Variants in PCDH9 observed in about 807,000 individuals in gnomAD.
PCDH9 encodes protocadherin-9.
In PCDH9, 24 loss-of-function variants were observed where a neutral mutation model predicts 70.6. That is an observed-to-expected ratio of 0.34 (90% CI 0.25 to 0.48). The LOEUF (loss-of-function observed/expected upper bound fraction) is 0.48, where lower values mean the gene tolerates loss of function less well. Ranked by LOEUF, PCDH9 falls within the 20% of genes least tolerant of loss-of-function variation. The pLI is 0.99. For synonymous variants in PCDH9, 562 were observed against 558.5 expected (o/e 1.01, Z -0.09); for missense variants, 1,281 against 1,503.6 (o/e 0.85, Z 2.45).
intron 2 of PCDH9, chr13:67,208,536 A>AT (rs2089403395): frequency 1.3e-5 from 2 of 152,266 alleles, no homozygotes; most frequent in Middle Eastern, 3.4e-3. Context: ...GATTCTCACA[A>AT]TTTTTGATTA....
intron 2 of PCDH9, among the ~76,000 whole-genome samples, chr13:67,082,575 ATAATTTAAGTCC>A (rs1403814103): frequency 6.6e-6 from 1 of 152,208 alleles, no homozygotes; most frequent in African/African-American, 2.4e-5. Context: ...CTGATAAGAC[ATAATTTAAGTCC>A]TATACACTCA....
At chr13:66,748,434 T>C (rs140287654) in intron 3 of PCDH9, among the ~76,000 whole-genome samples, 1 of 152,340 alleles carries the variant, frequency 6.6e-6, no homozygotes, top group East Asian at 1.9e-4. Context: ...TTTCCTACTC[T>C]GAAACACTCA....
At chr13:67,030,763 AT>A (rs1446958349) in intron 2 of PCDH9, among the ~76,000 whole-genome samples, 3 of 152,168 alleles carry the variant, frequency 2.0e-5, no homozygotes, top group Non-Finnish European at 4.4e-5. Flanking sequence ...ACCTTCTTCC[AT>A]TTGTTGAATA....
rs200944670 is a variant in PCDH9 at position 66,625,661 on chromosome 13, A to T, written c.3340+5549T>A. On this transcript the variant is annotated intron_variant, in intron 4 of 4. Transcript: ENST00000377865. ...CCACTTTTGGCCAACATATAGTGGA[A>T]TTTTTTTTTTTTTTTTTGATACACA... 4.8e-3 allele frequency among the ~76,000 whole-genome samples: 592 copies of T among 122,998 alleles called. 19 individuals are homozygous for T. In the East Asian group the frequency reaches 0.091, roughly 19 times the overall value. 80.7% of individuals were successfully genotyped at this position (122,998 alleles called of 152,430 possible). A position where few individuals can be genotyped will look rare whatever the true frequency, so the allele number is the denominator to read the frequency against.
At chr13:67,188,467 A>G (rs1358689022) in intron 2 of PCDH9, among the ~76,000 whole-genome samples, 1 of 152,098 alleles carries the variant, frequency 6.6e-6, no homozygotes, top group East Asian at 1.9e-4. Flanking sequence ...CATGGGAGGT[A>G]TAATTCCTCA....
At chr13:66,415,630 T>C (rs1467128027) in intron 4 of PCDH9, among the ~76,000 whole-genome samples, 1 of 152,220 alleles carries the variant, frequency 6.6e-6, no homozygotes, top group East Asian at 1.9e-4. Context: ...GAAACTGCTT[T>C]CTACTTCTTT....
At chr13:66,456,384 C>G (rs1433361670) in intron 4 of PCDH9, among the ~76,000 whole-genome samples, 1 of 152,064 alleles carries the variant, frequency 6.6e-6, no homozygotes, top group South Asian at 2.1e-4. Context: ...GCCTCAATCT[C>G]CTGAGCGGCT....
At chr13:66,499,742 G>A (rs1959167025) in intron 4 of PCDH9, among the ~76,000 whole-genome samples, 1 of 152,202 alleles carries the variant, frequency 6.6e-6, no homozygotes, top group Non-Finnish European at 1.5e-5. Context: ...TCATGTTAAT[G>A]TAATCCCCAG....
chr13:67,076,600 C>G (rs2085883116), intron 2 of PCDH9, among the ~76,000 whole-genome samples: 1 of 152,080 alleles, frequency 6.6e-6, no homozygotes. Flanking sequence ...TCCACTGAAG[C>G]ATTACTTAAA....
chr13:66,517,394 A>C (rs767807630), intron 4 of PCDH9, among the ~76,000 whole-genome samples: 16 of 152,092 alleles, frequency 1.1e-4, no homozygotes, highest in Non-Finnish European at 2.1e-4. Context: ...TGGGTTGCAT[A>C]ATTGTGAGAC....
intron 4 of PCDH9, among the ~76,000 whole-genome samples, chr13:66,358,287 G>C (rs527382043): frequency 1.3e-5 from 2 of 151,836 alleles, no homozygotes; most frequent in South Asian, 4.2e-4. Flanking sequence ...TAGTACCTTT[G>C]GTAGGATTAT....
chr13:66,585,041 G>A (rs1282942838), intron 4 of PCDH9, among the ~76,000 whole-genome samples: 1 of 152,030 alleles, frequency 6.6e-6, no homozygotes, highest in Non-Finnish European at 1.5e-5. Flanking sequence ...GTAGGGGGTA[G>A]GATAGAATTA....
chr13:66,953,948 G>C (rs1391230565), intron 2 of PCDH9, among the ~76,000 whole-genome samples: 2 of 152,246 alleles, frequency 1.3e-5, no homozygotes, highest in African/African-American at 4.8e-5. Flanking sequence ...GTATATAGTA[G>C]TTTTGCAGTT....
intron 2 of PCDH9, among the ~76,000 whole-genome samples, chr13:67,050,440 A>G (rs1420325267): frequency 6.6e-6 from 1 of 152,156 alleles, no homozygotes; most frequent in African/African-American, 2.4e-5. Context: ...ATTTAATGTG[A>G]TCTCCACCAG....
intron 4 of PCDH9, among the ~76,000 whole-genome samples, chr13:66,546,751 G>T (rs934519979): frequency 2.0e-4 from 31 of 152,136 alleles, no homozygotes; most frequent in African/African-American, 6.5e-4. Flanking sequence ...AGTCCTGCAA[G>T]CTTCATTTGT....
intron 3 of PCDH9, among the ~76,000 whole-genome samples, chr13:66,705,391 A>C (rs1388642274): frequency 6.6e-6 from 1 of 152,170 alleles, no homozygotes; most frequent in Non-Finnish European, 1.5e-5. Flanking sequence ...TTCCACGCTT[A>C]ACTATATGTT....
intron 4 of PCDH9, among the ~76,000 whole-genome samples, chr13:66,376,425 T>C (rs1956747758): frequency 6.6e-6 from 1 of 152,298 alleles, no homozygotes; most frequent in African/African-American, 2.4e-5. Flanking sequence ...ATATAATTAA[T>C]ATGATCTTTT....
chr13:66,980,552 T>C (rs1162921462), intron 2 of PCDH9, among the ~76,000 whole-genome samples: 12 of 152,052 alleles, frequency 7.9e-5, no homozygotes, highest in Admixed American at 7.9e-4. Flanking sequence ...ATAAGATACT[T>C]CTTGATTTGA....
chr13:67,183,507 T>C (rs1254653066), intron 2 of PCDH9, among the ~76,000 whole-genome samples: 3 of 152,258 alleles, frequency 2.0e-5, no homozygotes, highest in African/African-American at 7.2e-5. Context: ...CTTTGAGATA[T>C]GGTTAAAGCA....
Sources: allele counts gnomAD v4.1 joint callset (sites outside exome capture counted in the v4.1 genomes callset), GRCh38; gene constraint gnomAD v4.1.1; transcripts MANE v1.5; gene names NCBI Gene and HGNC (gene_info 2026-07-23, HGNC 2026-07-21).